Variants in TNR observed in about 807,000 individuals in gnomAD.
TNR encodes the protein tenascin-R.
TNR carries 45 observed loss-of-function variants against 150.4 expected under a neutral mutation model. The observed-to-expected ratio is 0.30, with a 90% CI of 0.24 to 0.38. The LOEUF (loss-of-function observed/expected upper bound fraction) is 0.38. Ranked by LOEUF, TNR falls within the 10% of genes least tolerant of loss-of-function variation. TNR has a pLI of 1.00. For synonymous variants in TNR, 687 were observed against 678.4 expected (o/e 1.01, Z -0.20); for missense variants, 1,544 against 1,759.1 (o/e 0.88, Z 2.19).
At chr1:175,568,795 A>T (rs1661749302) in intron 1 of TNR, among the ~76,000 whole-genome samples, 1 of 152,132 alleles carries the variant, frequency 6.6e-6, no homozygotes, top group South Asian at 2.1e-4. Context: ...AGGAAGCCAT[A>T]ATGGCTTCCA....
chr1:175,413,702 A>G (rs990556287), intron 2 of TNR, among the ~76,000 whole-genome samples: 2 of 152,162 alleles, frequency 1.3e-5, no homozygotes, highest in African/African-American at 2.4e-5. Flanking sequence ...GCAGGATGCC[A>G]TGGTCTGAAT....
At chr1:175,347,859 T>C (rs1431690727) in intron 18 of TNR, among the ~76,000 whole-genome samples, 3 of 152,180 alleles carry the variant, frequency 2.0e-5, no homozygotes, top group Non-Finnish European at 4.4e-5. Context: ...AAAGTCAATG[T>C]ACCTAATATT....
At chr1:175,388,276 T>C (rs946428749) in intron 7 of TNR, among the ~76,000 whole-genome samples, 1 of 148,606 alleles carries the variant, frequency 6.7e-6, no homozygotes, top group Non-Finnish European at 1.5e-5. Flanking sequence ...AAAAAAAAAG[T>C]GTCAGGGAAA....
rs764873218 is a variant in TNR at position 175,365,032 on chromosome 1, G to T, written c.2565C>A (p.Pro855=). The T allele has an allele frequency of 1.9e-6, 3 of 1,608,902 alleles. No homozygotes were observed. The highest frequency in any genetic ancestry group is 2.6e-6 in the Non-Finnish European group (3 of 1,176,050). The change falls in exon 12 of 23, where the codon CCC becomes CCA. Residue 855 remains proline, a synonymous_variant. Coordinates refer to ENST00000367674, the MANE Select transcript of TNR (RefSeq NM_003285.3). ...VAVHGTVTSE[P]IVGSITTGID... ...CACCTGTGGTGATGGAGCCCACAAT[G>T]GGCTCAGAGGTCACTGTGCCATGGA...
chr1:175,698,142 TG>T (rs1383491789), intron 1 of TNR, among the ~76,000 whole-genome samples: 1 of 152,230 alleles, frequency 6.6e-6, no homozygotes, highest in Non-Finnish European at 1.5e-5. Flanking sequence ...CACCAGTGTG[TG>T]GGCAGGGACA....
rs1376723081 is a variant in TNR, at chr1:175,406,354, G to C, written c.361C>G (p.Pro121Ala). The change falls in exon 3 of 23, where the codon CCC (proline) becomes GCC (alanine). Residue 121 changes from proline (P) to alanine (A), a missense_variant. By Grantham distance (27) the Pro-to-Ala change is conservative. Coordinates refer to ENST00000367674, the MANE Select transcript of TNR (RefSeq NM_003285.3). ...CTGGCACATGGACAGGCCTTTTTGG[G>C]GAAGTTGATCCTGTGTGTAAAGGTG... The part of the protein sequence containing the change: ...QVTFTHRINF[P>A]KKACPCASSA... 4 of 1,614,004 alleles carry C rather than the reference G, an allele frequency of 2.5e-6. No individual in the cohort carries two copies. In the African/African-American group the frequency reaches 5.3e-5, roughly 22 times the overall value.
intron 8 of TNR, among the ~76,000 whole-genome samples, chr1:175,384,185 T>C (rs1652816684): frequency 6.6e-6 from 1 of 152,134 alleles, no homozygotes; most frequent in South Asian, 2.1e-4. Flanking sequence ...CAAAACTATC[T>C]TGAAATTAAG....
intron 1 of TNR, among the ~76,000 whole-genome samples, chr1:175,604,909 G>A (rs565728980): frequency 6.6e-6 from 1 of 152,200 alleles, no homozygotes; most frequent in Non-Finnish European, 1.5e-5. Context: ...ACAAGATGTA[G>A]CTCTTGGAGT....
chr1:175,651,262 C>T (rs1664986015), intron 1 of TNR, among the ~76,000 whole-genome samples: 2 of 151,290 alleles, frequency 1.3e-5, no homozygotes, highest in African/African-American at 4.9e-5. Context: ...GAGACAAGGT[C>T]TAGGCTTTTG....
intron 1 of TNR, among the ~76,000 whole-genome samples, chr1:175,535,315 A>G (rs1297690878): frequency 6.6e-6 from 1 of 152,252 alleles, no homozygotes; most frequent in Non-Finnish European, 1.5e-5. Context: ...AAAATAGATT[A>G]GCAACGAGCT....
At position 175,610,430 on chromosome 1, in the gene TNR, A is replaced by G. The variant is rs1382376206; in HGVS notation, c.-164-82061T>C. 3.3e-5 allele frequency among the ~76,000 whole-genome samples: 5 copies of G among 152,252 alleles called. No homozygotes were observed. In the South Asian group the frequency reaches 8.3e-4, roughly 25 times the overall value. On this transcript the variant is annotated intron_variant, in intron 1 of 22. Transcript: ENST00000367674. ...CTAAACAGCTCTTCATTCCTGGCCA[A>G]TTGAAACAAAAATGCTTGTTAACCA...
intron 12 of TNR, among the ~76,000 whole-genome samples, chr1:175,364,350 G>A (rs1458176665): frequency 6.6e-6 from 1 of 150,652 alleles, no homozygotes; most frequent in East Asian, 1.9e-4. Context: ...TTACTGCTAG[G>A]GGATCACAGA....
At chr1:175,644,705 G>A (rs1664758769) in intron 1 of TNR, among the ~76,000 whole-genome samples, 2 of 152,216 alleles carry the variant, frequency 1.3e-5, no homozygotes, top group African/African-American at 4.8e-5. Flanking sequence ...ATGGGGCCAG[G>A]CACACAGTAA....
At chr1:175,645,950 G>A (rs1379977632) in intron 1 of TNR, among the ~76,000 whole-genome samples, 1 of 152,058 alleles carries the variant, frequency 6.6e-6, no homozygotes, top group Admixed American at 6.5e-5. Flanking sequence ...ACAAAAGTCA[G>A]GAAATCTGAT....
At chr1:175,401,609 C>T (rs1203647985) in intron 4 of TNR, among the ~76,000 whole-genome samples, 2 of 152,202 alleles carry the variant, frequency 1.3e-5, no homozygotes, top group Admixed American at 1.3e-4. Flanking sequence ...TTTCCCTAAG[C>T]ACAGTGCATT....
intron 2 of TNR, among the ~76,000 whole-genome samples, chr1:175,483,762 C>T (rs1408390627): frequency 6.6e-6 from 1 of 152,212 alleles, no homozygotes; most frequent in Non-Finnish European, 1.5e-5. Context: ...GGGCTGGGAA[C>T]TACACGTTTG....
At position 175,337,641 on chromosome 1, in the gene TNR, G is replaced by T. The variant is rs1650311184; in HGVS notation, c.3421C>A (p.His1141Asn). 2 of 1,614,080 alleles carry T rather than the reference G, an allele frequency of 1.2e-6. No homozygotes were observed. Among genetic ancestry groups the T allele is most frequent in the Admixed American group, 1.7e-5 (1 of 60,010 alleles). Residue 1141 changes from histidine (H) to asparagine (N), a missense_variant, in exon 19 of 23, where the codon CAT (histidine) becomes AAT (asparagine). Coordinates refer to ENST00000367674, the MANE Select transcript of TNR (RefSeq NM_003285.3). ...VFPHPQDCAQ[H>N]LMNGDTLSGV... ...CTCAAAGTGTCTCCATTCATCAAATGCTGGGCACAGTCTTGGGGATGAGGG... is the reference window on the plus strand; with the variant it reads ...CTCAAAGTGTCTCCATTCATCAAATTCTGGGCACAGTCTTGGGGATGAGGG...
At chr1:175,433,232 T>C (rs1655351663) in intron 2 of TNR, among the ~76,000 whole-genome samples, 1 of 152,226 alleles carries the variant, frequency 6.6e-6, no homozygotes, top group Admixed American at 6.5e-5. Context: ...ATTTCTATAT[T>C]GTTAAGCCAT....
At chr1:175,628,527 A>G (rs78292251) in intron 1 of TNR, among the ~76,000 whole-genome samples, 1 of 82,474 alleles carries the variant, frequency 1.2e-5, no homozygotes, top group Non-Finnish European at 2.3e-5. Context: ...TAATAAAATT[A>G]AAAAAAAAAA....
Sources: gnomAD v4.1 joint callset for allele counts (sites outside exome capture counted in the v4.1 genomes callset) on GRCh38, gnomAD v4.1.1 for gene constraint, MANE v1.5 for transcripts, NCBI Gene and HGNC (gene_info 2026-07-23, HGNC 2026-07-21) for gene names.